Variants in DKK1 observed in about 807,000 individuals in gnomAD.
DKK1 encodes the protein dickkopf Wnt signaling pathway inhibitor 1.
In DKK1, 18 loss-of-function variants were observed where a neutral mutation model predicts 26.0. The observed-to-expected ratio is 0.69, with a 90% CI of 0.48 to 1.03. The LOEUF is 1.03. DKK1 is among the 50% of genes least tolerant of loss of function. The pLI, the probability that DKK1 is intolerant of heterozygous loss-of-function variation, is 0.00. For missense variants in DKK1, 335 were observed against 348.5 expected (o/e 0.96, Z 0.31); for synonymous variants, 130 against 132.6 (o/e 0.98, Z 0.13).
rs1405426625 is a variant in DKK1, at chr10:52,317,033, C to T, written c.*226C>T. The T allele has an allele frequency of 9.6e-6, 5 of 520,730 alleles. No individual in the cohort carries two copies. The Admixed American group carries it at 1.1e-4, about 11-fold the overall frequency. 32.3% of individuals were successfully genotyped at this position (520,730 alleles called of 1,614,324 possible). ...TGTAAATTCTCAGTGTGGCACTTAC[C>T]TGTAAATGCAATGAAACTTTTAATT... On this transcript the variant is annotated 3_prime_UTR_variant, in exon 4 of 4. Coordinates refer to ENST00000373970, the MANE Select transcript of DKK1 (RefSeq NM_012242.4).
At position 52,314,785 on chromosome 10, in the gene DKK1, A is replaced by G; in HGVS notation, c.243+108A>G. ...TGTGCGGTTCAGGGAGCATTTGGTA[A>G]CCCTGCATTTGGGAGCAGTGGGCAG... On this transcript the variant is annotated intron_variant, in intron 1 of 3. Transcript: ENST00000373970. This position sits in a 1 kb window ranked among gnomAD's most constrained non-coding sequence, Gnocchi z 5.7. The G allele has an allele frequency of 6.6e-7, 1 of 1,523,266 alleles. No individual in the cohort carries two copies. Among genetic ancestry groups the G allele is most frequent in the Non-Finnish European group, 8.8e-7 (1 of 1,133,124 alleles). 94.4% of individuals were successfully genotyped at this position (1,523,266 alleles called of 1,614,324 possible).
At position 52,314,764 on chromosome 10, in the gene DKK1, C is replaced by G; in HGVS notation, c.243+87C>G. On this transcript the variant is annotated intron_variant, in intron 1 of 3. Coordinates refer to ENST00000373970, the MANE Select transcript of DKK1 (RefSeq NM_012242.4). The surrounding 1 kb of genome is among the most constrained non-coding windows in gnomAD (Gnocchi z 5.7). ...GGGAGTAGAACGTGCTGAATGTGTGCGGTTCAGGGAGCATTTGGTAACCCT... is the reference window on the plus strand; with the variant it reads ...GGGAGTAGAACGTGCTGAATGTGTGGGGTTCAGGGAGCATTTGGTAACCCT... 1.9e-6 allele frequency: 3 copies of G among 1,557,066 alleles called. No individual in the cohort carries two copies. The highest frequency in any genetic ancestry group is 2.6e-6 in the Non-Finnish European group (3 of 1,150,314).
In DKK1 at chr10:52,316,352, C is replaced by G. The variant is rs374712846; in HGVS notation, c.464C>G (p.Thr155Ser). The change falls in exon 3 of 4, where the codon ACT becomes AGT. Residue 155 changes from threonine (T) to serine (S), a missense_variant. Coordinates refer to ENST00000373970, the MANE Select transcript of DKK1 (RefSeq NM_012242.4). ...HFRGEIEETI[T>S]ESFGNDHSTL... ...CGAGGAGAAATTGAGGAAACCATCACTGAAAGCTTTGGTAATGATCATAGC... is the reference window on the plus strand; with the variant it reads ...CGAGGAGAAATTGAGGAAACCATCAGTGAAAGCTTTGGTAATGATCATAGC... The G allele has an allele frequency of 5.0e-6, 8 of 1,614,056 alleles. No homozygotes were observed. The African/African-American group carries it at 9.3e-5, about 19-fold the overall frequency.
Position 52,316,395 on chromosome 10 carries a change from C to T in DKK1, c.507C>T (p.Ser169=). ...GNDHSTLDGY[S]RRTTLSSKMY... is the part of the protein sequence containing the mutation. ...ATCATAGCACCTTGGATGGGTATTC[C>T]AGAAGAACCACCTTGTCTTCAAAAA... The change falls in exon 3 of 4, where the codon TCC becomes TCT. Residue 169 remains serine, a synonymous_variant. Coordinates refer to ENST00000373970, the MANE Select transcript of DKK1 (RefSeq NM_012242.4). 3 of 1,614,078 alleles carry T rather than the reference C, an allele frequency of 1.9e-6. No individual in the cohort carries two copies. The highest frequency in any genetic ancestry group is 2.5e-6 in the Non-Finnish European group (3 of 1,180,016).
At chr10:52,316,263 C>G in intron 2 of DKK1, 32 bp from the exon 3 acceptor site, 1 of 1,612,046 alleles carries the variant, frequency 6.2e-7, no homozygotes, top group Non-Finnish European at 8.5e-7. Flanking sequence ...CATTACAACC[C>G]TGAAGTTAAT....
In DKK1 at chr10:52,314,349, G is replaced by C. The variant is rs1453344357; in HGVS notation, c.-86G>C. ...GGGGCTCCCGGACCCTGACTCTGCA[G>C]CCGAACCGGCACGGTTTCGTGGGGA... is the stretch of plus-strand genomic sequence containing the variant. On this transcript the variant is annotated 5_prime_UTR_variant, in exon 1 of 4. Coordinates refer to ENST00000373970, the MANE Select transcript of DKK1 (RefSeq NM_012242.4). This position sits in a 1 kb window ranked among gnomAD's most constrained non-coding sequence, Gnocchi z 5.7. The C allele has an allele frequency of 6.4e-7, 1 of 1,571,184 alleles. No individual in the cohort carries two copies. Among genetic ancestry groups the C allele is most frequent in the Admixed American group, 1.7e-5 (1 of 57,466 alleles).
chr10:52,314,672 T>C lies in DKK1; in HGVS notation c.238T>C (p.Tyr80His), dbSNP rs747392713. 3 of 1,612,530 alleles carry C rather than the reference T, an allele frequency of 1.9e-6. No individual in the cohort carries two copies. Among genetic ancestry groups the C allele is most frequent in the Non-Finnish European group, 2.5e-6 (3 of 1,179,612 alleles). ...GGNKYQTIDNYQPYPCAEDEE... is the reference protein window; with the variant it reads ...GGNKYQTIDNHQPYPCAEDEE... ...GAATAAGTACCAGACCATTGACAACTACCAGGTGAGAGGGGTCGGGCACTC... is the reference window on the plus strand; with the variant it reads ...GAATAAGTACCAGACCATTGACAACCACCAGGTGAGAGGGGTCGGGCACTC... Residue 80 changes from tyrosine (Y) to histidine (H), a missense_variant, in exon 1 of 4, where the codon TAC becomes CAC. Physicochemically the swap from Tyr to His is moderately conservative, Grantham distance 83. Transcript: ENST00000373970. This position sits in a 1 kb window ranked among gnomAD's most constrained non-coding sequence, Gnocchi z 5.7.
At position 52,316,655 on chromosome 10, in the gene DKK1, G is replaced by C; in HGVS notation, c.649G>C (p.Gly217Arg). 1 of 1,614,066 alleles carries C rather than the reference G, an allele frequency of 6.2e-7. No individual in the cohort carries two copies. The highest frequency in any genetic ancestry group is 8.5e-7 in the Non-Finnish European group (1 of 1,180,006). ...SKICKPVLKE[G>R]QVCTKHRRKG... ...GATCTGTAAACCTGTCCTGAAAGAA[G>C]GTCAAGTGTGTACCAAGCATAGGAG... Residue 217 changes from glycine (G) to arginine (R), a missense_variant, in exon 4 of 4, where the codon GGT becomes CGT. Transcript: ENST00000373970.
In DKK1 at chr10:52,316,676, A is replaced by T. The variant is rs1842620752; in HGVS notation, c.670A>T (p.Arg224Trp). The change falls in exon 4 of 4, where the codon AGG (arginine) becomes TGG (tryptophan). Residue 224 changes from arginine to tryptophan, a missense_variant. Physicochemically the swap from Arg to Trp is moderately radical, Grantham distance 101. Coordinates refer to ENST00000373970, the MANE Select transcript of DKK1 (RefSeq NM_012242.4). ...LKEGQVCTKH[R>W]RKGSHGLEIF... Reference sequence around the variant, plus strand: ...AGAAGGTCAAGTGTGTACCAAGCATAGGAGAAAAGGCTCTCATGGACTAGA... The same window carrying T: ...AGAAGGTCAAGTGTGTACCAAGCATTGGAGAAAAGGCTCTCATGGACTAGA... 1 of 1,614,032 alleles carries T rather than the reference A, an allele frequency of 6.2e-7. No individual in the cohort carries two copies. Among genetic ancestry groups the T allele is most frequent in the African/African-American group, 1.3e-5 (1 of 74,936 alleles).
Position 52,315,971 on chromosome 10 carries a change from G to A in DKK1, c.407-324G>A, listed in dbSNP as rs547559174. On this transcript the variant is annotated intron_variant, in intron 2 of 3. Transcript: ENST00000373970. ...TTTTAAGAACATTTTTAAAGTGACTGAGTTTCTTTTTCTTACCCCAAAGGT... is the reference window on the plus strand; with the variant it reads ...TTTTAAGAACATTTTTAAAGTGACTAAGTTTCTTTTTCTTACCCCAAAGGT... Among the ~76,000 whole-genome samples the A allele has an allele frequency of 3.2e-3, 489 of 152,310 alleles. 3 individuals are homozygous for A. The highest frequency in any genetic ancestry group is 0.011 in the African/African-American group (470 of 41,580).
chr10:52,316,059 T>C (rs1159238851), intron 2 of DKK1, among the ~76,000 whole-genome samples: 1 of 152,258 alleles, frequency 6.6e-6, no homozygotes, highest in Non-Finnish European at 1.5e-5. Context: ...GTATTTTAAA[T>C]GGCTATACTG....
In DKK1 at chr10:52,316,675, T is replaced by G. The variant is rs577517091; in HGVS notation, c.669T>G (p.His223Gln). ...AAGAAGGTCAAGTGTGTACCAAGCATAGGAGAAAAGGCTCTCATGGACTAG... is the reference window on the plus strand; with the variant it reads ...AAGAAGGTCAAGTGTGTACCAAGCAGAGGAGAAAAGGCTCTCATGGACTAG... ...VLKEGQVCTK[H>Q]RRKGSHGLEI... The change falls in exon 4 of 4, where the codon CAT (histidine) becomes CAG (glutamine). Residue 223 changes from histidine to glutamine, a missense_variant. Physicochemically the swap from His to Gln is conservative, Grantham distance 24. Coordinates refer to ENST00000373970, the MANE Select transcript of DKK1 (RefSeq NM_012242.4). The G allele has an allele frequency of 1.2e-6, 2 of 1,613,994 alleles. No homozygotes were observed. The highest frequency in any genetic ancestry group is 1.7e-6 in the Non-Finnish European group (2 of 1,180,012).
chr10:52,316,091 TGTATACA>T (rs1842614481), intron 2 of DKK1, among the ~76,000 whole-genome samples, 197 bp from the exon 3 acceptor site: 1 of 152,230 alleles, frequency 6.6e-6, no homozygotes, highest in South Asian at 2.1e-4. Context: ...TATGACTGAC[TGTATACA>T]GTATACACAT....
chr10:52,315,155 CGGGGGGTTGGGGGGGGT>C lies in DKK1; in HGVS notation c.406+77_406+93del, dbSNP rs1564556604. The C allele has an allele frequency of 1.6e-3, 6 of 3,638 alleles. No homozygotes were observed. In the East Asian group the frequency reaches 0.027, roughly 16 times the overall value. The allele number at this position is 3,638 out of a possible 1,614,324, so 0.2% of individuals were successfully genotyped here. On this transcript the variant is annotated intron_variant, in intron 2 of 3. Transcript: ENST00000373970. Reference sequence around the variant, plus strand: ...TGAGCGTCTATGAATTGGGCGGGGGCGGGGGGTTGGGGGGGGTGGGGGGAGAAATCTCCGCCCTGAGA... The same window carrying C: ...TGAGCGTCTATGAATTGGGCGGGGGCGGGGGGAGAAATCTCCGCCCTGAGA...
chr10:52,316,152 A>G, intron 2 of DKK1, 143 bp from the exon 3 acceptor site: 1 of 974,640 alleles, frequency 1.0e-6, no homozygotes, highest in Non-Finnish European at 1.5e-6. Context: ...AACAGTAAAG[A>G]GGAAGTTTGG....
In DKK1 at chr10:52,316,887, C is replaced by T. The variant is rs1279570452; in HGVS notation, c.*80C>T. ...TTTTATGACCTTCATCAACTCAATC[C>T]TAAGGATATACAAGTTCTGTGGTTT... is the stretch of plus-strand genomic sequence containing the variant. On this transcript the variant is annotated 3_prime_UTR_variant, in exon 4 of 4. Transcript: ENST00000373970. 3 of 1,492,534 alleles carry T rather than the reference C, an allele frequency of 2.0e-6. No individual in the cohort carries two copies. The highest frequency in any genetic ancestry group is 1.8e-6 in the Non-Finnish European group (2 of 1,099,672). The allele number at this position is 1,492,534 out of a possible 1,614,324, so 92.5% of individuals were successfully genotyped here.
rs771431070 is a variant in DKK1 at position 52,316,436 on chromosome 10, G to A, written c.547+1G>A. 3.1e-6 allele frequency: 5 copies of A among 1,614,000 alleles called. No homozygotes were observed. The South Asian group carries it at 3.3e-5, about 11-fold the overall frequency. On this transcript the variant is annotated splice_donor_variant, in intron 3 of 3. Coordinates refer to ENST00000373970, the MANE Select transcript of DKK1 (RefSeq NM_012242.4). LOFTEE classifies it high-confidence loss of function. ...TCTTCAAAAATGTATCACACCAAAG[G>A]TAAGGATGTTAAGACTCATTCTTAG...
intron 2 of DKK1, among the ~76,000 whole-genome samples, chr10:52,315,763 C>T (rs1015513249): frequency 9.9e-5 from 15 of 152,214 alleles, no homozygotes; most frequent in African/African-American, 3.1e-4. Flanking sequence ...AATAAGCTAA[C>T]AGGGCGACGA....
In DKK1 at chr10:52,316,323, T is replaced by A. The variant is rs758910461; in HGVS notation, c.435T>A (p.His145Gln). 1.1e-5 allele frequency: 17 copies of A among 1,614,072 alleles called. 1 individual carries two copies. In the South Asian group the frequency reaches 1.9e-4, roughly 18 times the overall value. ...NGICVSSDQN[H>Q]FRGEIEETIT... is the part of the protein sequence containing the mutation. ...TATGTGTGTCTTCTGATCAAAATCA[T>A]TTCCGAGGAGAAATTGAGGAAACCA... is the stretch of plus-strand genomic sequence containing the variant. The change falls in exon 3 of 4, where the codon CAT becomes CAA. Residue 145 changes from histidine (H) to glutamine (Q), a missense_variant. By Grantham distance (24) the His-to-Gln change is conservative. Coordinates refer to ENST00000373970, the MANE Select transcript of DKK1 (RefSeq NM_012242.4).
Sources: gnomAD v4.1 joint callset for allele counts (sites outside exome capture counted in the v4.1 genomes callset) on GRCh38, gnomAD v4.1.1 for gene constraint, Gnocchi (gnomAD v3.1) non-coding constraint, MANE v1.5 for transcripts, NCBI Gene and HGNC (gene_info 2026-07-23, HGNC 2026-07-21) for gene names.